The following SH2D4B variants were observed in gnomAD, a reference collection of about 807,000 sequenced individuals.
SH2D4B encodes the protein SH2 domain-containing protein 4B.
In SH2D4B, 45 loss-of-function variants were observed where a neutral mutation model predicts 61.5. The observed-to-expected ratio is 0.73, with a 90% confidence interval of 0.58 to 0.94. SH2D4B has a LOEUF of 0.94. Ranked by LOEUF, SH2D4B falls within the 40% of genes least tolerant of loss-of-function variation. The probability of loss-of-function intolerance (pLI) is 0.00; values close to 1 mark genes in which losing one functional copy is unlikely to be tolerated. For synonymous variants in SH2D4B, 224 were observed against 220.4 expected, an observed-to-expected ratio of 1.02 and a Z score of -0.14; for missense variants, 572 against 574.2, an observed-to-expected ratio of 1.00 and a Z score of 0.04.
chr10:80,639,086 T>G (rs900013324), intron 7 of SH2D4B, among the ~76,000 whole-genome samples: 6 of 152,258 alleles, frequency 3.9e-5, no homozygotes, highest in African/African-American at 1.4e-4. Flanking sequence ...TTCCATGTAG[T>G]TGTGCAGTTT....
chr10:80,558,023 C>T (rs913161958), intron 1 of SH2D4B, among the ~76,000 whole-genome samples: 6 of 151,994 alleles, frequency 3.9e-5, no homozygotes, highest in Non-Finnish European at 7.4e-5. Flanking sequence ...TGAATTTTTA[C>T]ATGTTATTTA....
chr10:80,575,163 AACATTTTACC>A (rs1297186849), intron 3 of SH2D4B, among the ~76,000 whole-genome samples: 1 of 150,802 alleles, frequency 6.6e-6, no homozygotes, highest in East Asian at 2.0e-4. Context: ...ACCAATTTTT[AACATTTTACC>A]ACATTTGCCT....
intron 3 of SH2D4B, among the ~76,000 whole-genome samples, chr10:80,577,657 A>C (rs1294246337): frequency 6.6e-6 from 1 of 151,032 alleles, no homozygotes; most frequent in Non-Finnish European, 1.5e-5. Flanking sequence ...TGATCTCCTG[A>C]CCTTGCGATC....
rs530182860 is a variant in SH2D4B at position 80,602,532 on chromosome 10, C to T, written c.644-1047C>T. On this transcript the variant is annotated intron_variant, in intron 4 of 7. Coordinates refer to ENST00000646907, the MANE Select transcript of SH2D4B (RefSeq NM_001388272.1). The stretch of plus-strand genomic sequence containing the variant: ...GACAGAGGGCTAGAGAGCGGGGTGT[C>T]TTGGAGTCTCGTAAGCTGTTAGAGT... 1.1e-4 allele frequency among the ~76,000 whole-genome samples: 16 copies of T among 152,234 alleles called. 1 individual carries two copies. In the South Asian group the frequency reaches 3.3e-3, roughly 32 times the overall value.
At chr10:80,617,267 C>T (rs76823730) in intron 6 of SH2D4B, among the ~76,000 whole-genome samples, 3,085 of 152,308 alleles carry the variant, frequency 0.02, 49 homozygotes, top group Middle Eastern at 0.055. Flanking sequence ...GCCCAGCCAT[C>T]TCTGGGCTGT....
chr10:80,628,647 A>G (rs1002997755), intron 6 of SH2D4B, among the ~76,000 whole-genome samples: 4 of 152,190 alleles, frequency 2.6e-5, no homozygotes, highest in African/African-American at 9.7e-5. Flanking sequence ...GCTATCCTGA[A>G]CTATGAGGTT....
intron 1 of SH2D4B, among the ~76,000 whole-genome samples, chr10:80,555,681 T>C (rs561357660): frequency 2.9e-4 from 44 of 152,254 alleles, no homozygotes; most frequent in African/African-American, 9.9e-4. Context: ...CTGTGAACCG[T>C]TTTGTCCTAG....
At chr10:80,544,657 T>G (rs114184619) in intron 1 of SH2D4B, among the ~76,000 whole-genome samples, 72 of 152,352 alleles carry the variant, frequency 4.7e-4, no homozygotes, top group African/African-American at 1.7e-3. Flanking sequence ...GACCCCTGCA[T>G]GGAGCCCTGC....
At chr10:80,609,303 C>T in intron 5 of SH2D4B, 121 bp from the exon 6 acceptor site, 1 of 992,308 alleles carries the variant, frequency 1.0e-6, no homozygotes, top group Non-Finnish European at 1.4e-6. Flanking sequence ...CTTCCACCCC[C>T]CCTTCCTCCT....
chr10:80,588,946 G>C (rs1294615183), intron 4 of SH2D4B, among the ~76,000 whole-genome samples, 169 bp downstream of exon 4: 1 of 152,122 alleles, frequency 6.6e-6, no homozygotes, highest in Non-Finnish European at 1.5e-5. Flanking sequence ...GGGTAAGTTA[G>C]GCTTCATCCT....
At chr10:80,606,125 C>T (rs1276227154) in intron 5 of SH2D4B, among the ~76,000 whole-genome samples, 1 of 152,196 alleles carries the variant, frequency 6.6e-6, no homozygotes, top group Non-Finnish European at 1.5e-5. Context: ...TCACTGCTGT[C>T]ACCTCTGTGG....
Position 80,539,768 on chromosome 10 carries a change from C to CT in SH2D4B, c.184+1254dup, listed in dbSNP as rs1841553918. 6.6e-6 allele frequency among the ~76,000 whole-genome samples: 1 copy of CT among 152,142 alleles called. No homozygotes were observed. The highest frequency in any genetic ancestry group is 1.5e-5 in the Non-Finnish European group (1 of 68,022). On this transcript the variant is annotated intron_variant, in intron 1 of 7. Transcript: ENST00000646907. This position sits in a 1 kb window ranked among gnomAD's most constrained non-coding sequence, Gnocchi z 4.9. ...CTGGTGTGTGAGGGCTTCCTCCACT[C>CT]TATCTTCCTCCCCTGGGCCCAGCAC...
chr10:80,572,984 A>ATTTTTTTTTTTTTTTTTTTT (rs1283153702), intron 3 of SH2D4B, among the ~76,000 whole-genome samples: 4 of 8,292 alleles, frequency 4.8e-4, no homozygotes, highest in Non-Finnish European at 8.3e-4. Flanking sequence ...ATATATATAT[A>ATTTTTTTTTTTTTTTTTTTT]TATTTTTTTT....
chr10:80,578,503 A>G (rs1423681377), intron 3 of SH2D4B, among the ~76,000 whole-genome samples: 1 of 152,068 alleles, frequency 6.6e-6, no homozygotes, highest in East Asian at 1.9e-4. Context: ...GAGTAACTTT[A>G]GAGGTCTGGG....
chr10:80,559,420 C>T (rs1841876587), intron 1 of SH2D4B, among the ~76,000 whole-genome samples: 1 of 152,064 alleles, frequency 6.6e-6, no homozygotes, highest in African/African-American at 2.4e-5. Context: ...TTTATTTAAA[C>T]AATTCAGATT....
intron 6 of SH2D4B, among the ~76,000 whole-genome samples, chr10:80,623,330 T>G (rs951198043): frequency 1.3e-5 from 2 of 152,234 alleles, no homozygotes; most frequent in Non-Finnish European, 1.5e-5. Flanking sequence ...GTCCTCGCTT[T>G]GAAGATGGCA....
intron 1 of SH2D4B, among the ~76,000 whole-genome samples, chr10:80,566,090 C>CAAAAAAA (rs60774703): frequency 8.4e-5 from 2 of 23,808 alleles, no homozygotes; most frequent in Non-Finnish European, 1.4e-4. Context: ...GACTCCGGCT[C>CAAAAAAA]AAAAAAAAAA....
Position 80,539,454 on chromosome 10 carries a change from C to A in SH2D4B, c.184+939C>A, listed in dbSNP as rs994515961. Among the ~76,000 whole-genome samples, 6 of 152,232 alleles carry A rather than the reference C, an allele frequency of 3.9e-5. No individual in the cohort carries two copies. Among genetic ancestry groups the A allele is most frequent in the African/African-American group, 1.4e-4 (6 of 41,460 alleles). On this transcript the variant is annotated intron_variant, in intron 1 of 7. Transcript: ENST00000646907. The surrounding 1 kb of genome is among the most constrained non-coding windows in gnomAD (Gnocchi z 4.9). ...CAGGCTCACTGCTGGCCAGTCCCCA[C>A]CAGGTGCCACAGGCCACACCCACAT...
intron 4 of SH2D4B, among the ~76,000 whole-genome samples, chr10:80,600,246 A>G (rs1842435896): frequency 1.3e-5 from 2 of 152,328 alleles, no homozygotes; most frequent in South Asian, 2.1e-4. Flanking sequence ...CTTTCCCCAT[A>G]TTATAGGATG....
Sources: allele counts gnomAD v4.1 joint callset (sites outside exome capture counted in the v4.1 genomes callset), GRCh38; gene constraint gnomAD v4.1.1; non-coding constraint Gnocchi (gnomAD v3.1); transcripts MANE v1.5; gene names NCBI Gene and HGNC (gene_info 2026-07-23, HGNC 2026-07-21).